ARMC1: variants seen among roughly 807,000 people sequenced by gnomAD.
ARMC1 encodes the protein armadillo repeat containing 1.
A neutral mutation model predicts 31.4 loss-of-function variants in ARMC1; 16 were observed. The ratio of observed to expected loss-of-function variants is 0.51; its 90% CI spans 0.34 to 0.77. The LOEUF (loss-of-function observed/expected upper bound fraction) is 0.77, where lower values mean the gene tolerates loss of function less well. ARMC1 is among the 30% of genes least tolerant of loss of function. The pLI is 0.01. For missense variants in ARMC1, 259 were observed against 347.5 expected (o/e 0.75, Z 2.02); for synonymous variants, 114 against 118.9 (o/e 0.96, Z 0.27).
intron 4 of ARMC1, among the ~76,000 whole-genome samples, chr8:65,608,950 T>A (rs183650152): frequency 3.9e-5 from 6 of 152,210 alleles, no homozygotes; most frequent in African/African-American, 1.4e-4. Flanking sequence ...CATCTCTCTG[T>A]GCTGTCAGAA....
chr8:65,612,505 T>C (rs1808163206), intron 4 of ARMC1, among the ~76,000 whole-genome samples: 1 of 151,956 alleles, frequency 6.6e-6, no homozygotes, highest in Non-Finnish European at 1.5e-5. Flanking sequence ...GTTTTACAAA[T>C]GTGGGGGAAA....
Position 65,620,737 on chromosome 8 carries a change from G to C in ARMC1, c.275+1526C>G, listed in dbSNP as rs192820693. On this transcript the variant is annotated intron_variant, in intron 3 of 6. Coordinates refer to ENST00000276569, the MANE Select transcript of ARMC1 (RefSeq NM_018120.6). ...GGTTAATCACTGCTTCTATCCCTCTGACTAATCACTTCTCTAGCATCCTTT... is the reference window on the plus strand; with the variant it reads ...GGTTAATCACTGCTTCTATCCCTCTCACTAATCACTTCTCTAGCATCCTTT... Among the ~76,000 whole-genome samples, 223 of 149,262 alleles carry C rather than the reference G, an allele frequency of 1.5e-3. 1 individual carries two copies. The highest frequency in any genetic ancestry group is 2.3e-3 in the Admixed American group (34 of 14,810).
rs960219321 is a variant in ARMC1 at position 65,634,036 on chromosome 8, T to A, written c.-74A>T. 6.6e-6 allele frequency: 1 copy of A among 152,326 alleles called. No homozygotes were observed. The highest frequency in any genetic ancestry group is 1.5e-5 in the Non-Finnish European group (1 of 68,146). 9.4% of individuals were successfully genotyped at this position (152,326 alleles called of 1,614,324 possible). A position where few individuals can be genotyped will look rare whatever the true frequency, so the allele number is the denominator to read the frequency against. On this transcript the variant is annotated 5_prime_UTR_variant, in exon 1 of 7. It removes an upstream start codon present in the reference 5' UTR. Coordinates refer to ENST00000276569, the MANE Select transcript of ARMC1 (RefSeq NM_018120.6). ...TAGGAGTCCAGAGCCTGCCACACCA[T>A]CAGGGCCACACCTACGGATGAGGTA...
At position 65,604,122 on chromosome 8, in the gene ARMC1, A is replaced by G; in HGVS notation, c.*272T>C. 1 of 313,714 alleles carries G rather than the reference A, an allele frequency of 3.2e-6. No individual in the cohort carries two copies. The highest frequency in any genetic ancestry group is 5.9e-6 in the Non-Finnish European group (1 of 168,320). The allele number at this position is 313,714 out of a possible 1,614,324, so 19.4% of individuals were successfully genotyped here. On this transcript the variant is annotated 3_prime_UTR_variant, in exon 7 of 7. Transcript: ENST00000276569. ...CTGCACATACACATGTGGTTTTAAC[A>G]GTGGACCCATGGTTTTTAAATATGA...
intron 3 of ARMC1, among the ~76,000 whole-genome samples, chr8:65,620,799 T>TAAAAAA (rs112946805): frequency 1.5e-4 from 21 of 139,164 alleles, no homozygotes; most frequent in East Asian, 8.0e-4. Flanking sequence ...TAGTTCCATT[T>TAAAAAA]AAAAAAAAAC....
In ARMC1 at chr8:65,604,144, A is replaced by G. The variant is rs1210761686; in HGVS notation, c.*250T>C. 3 of 361,692 alleles carry G rather than the reference A, an allele frequency of 8.3e-6. No individual in the cohort carries two copies. The highest frequency in any genetic ancestry group is 4.3e-5 in the Admixed American group (1 of 23,398). The allele number at this position is 361,692 out of a possible 1,614,324, so 22.4% of individuals were successfully genotyped here. A position where few individuals can be genotyped will look rare whatever the true frequency, so the allele number is the denominator to read the frequency against. ...AACAGTGGACCCATGGTTTTTAAAT[A>G]TGAGGCAATTAAATGAAAGAAAACA... is the stretch of plus-strand genomic sequence containing the variant. On this transcript the variant is annotated 3_prime_UTR_variant, in exon 7 of 7. Transcript: ENST00000276569.
chr8:65,604,409 T>A lies in ARMC1; in HGVS notation c.834A>T (p.Arg278Ser). Residue 278 changes from arginine to serine, a missense_variant, in exon 7 of 7, where the codon AGA (arginine) becomes AGT (serine). Transcript: ENST00000276569. ...AAAAGTGAAGTCACCAATAAAATGA[T>A]CTGGATAAAAAGTTTGCAGCTGTGC... is the stretch of plus-strand genomic sequence containing the variant. Reference protein sequence around the residue: ...WLSTAANFLSRSFYW With the variant: ...WLSTAANFLSSSFYW 1 of 1,613,810 alleles carries A rather than the reference T, an allele frequency of 6.2e-7. No homozygotes were observed. The highest frequency in any genetic ancestry group is 2.2e-5 in the East Asian group (1 of 44,874).
rs181808244 is a variant in ARMC1, at chr8:65,603,217, A to C, written c.*1177T>G. On this transcript the variant is annotated 3_prime_UTR_variant, in exon 7 of 7. Coordinates refer to ENST00000276569, the MANE Select transcript of ARMC1 (RefSeq NM_018120.6). ...TGTAATTAGCACTTATCTACCAAAAAAACATATGTGTATGTATTTATTTAT... is the reference window on the plus strand; with the variant it reads ...TGTAATTAGCACTTATCTACCAAAACAACATATGTGTATGTATTTATTTAT... The C allele has an allele frequency of 3.9e-5, 6 of 152,342 alleles. No individual in the cohort carries two copies. Among genetic ancestry groups the C allele is most frequent in the Admixed American group, 3.9e-4 (6 of 15,290 alleles). 9.4% of individuals were successfully genotyped at this position (152,342 alleles called of 1,614,324 possible).
At chr8:65,624,281 C>A (rs1052199967) in intron 2 of ARMC1, among the ~76,000 whole-genome samples, 1 of 151,516 alleles carries the variant, frequency 6.6e-6, no homozygotes, top group African/African-American at 2.4e-5. Flanking sequence ...GGCAGATCAC[C>A]TGAACTCAGG....
In ARMC1 at chr8:65,625,385, G is replaced by T. The variant is rs143154833; in HGVS notation, c.183+1831C>A. Among the ~76,000 whole-genome samples the T allele has an allele frequency of 4.6e-3, 702 of 152,204 alleles. 4 individuals are homozygous for T. Among genetic ancestry groups the T allele is most frequent in the African/African-American group, 0.016 (665 of 41,524 alleles). ...GCCTACAACAGGCCTGAATCATATC[G>T]ATTCAGTATTACCAAACTAATCAGC... On this transcript the variant is annotated intron_variant, in intron 2 of 6. Coordinates refer to ENST00000276569, the MANE Select transcript of ARMC1 (RefSeq NM_018120.6).
At position 65,613,239 on chromosome 8, in the gene ARMC1, C is replaced by A. The variant is rs762965126; in HGVS notation, c.465+5G>T. ...GATTTCTCTTTCCCATCTAACAGACCTTACCGTATCATCAAGGCCATCTAT... is the reference window on the plus strand; with the variant it reads ...GATTTCTCTTTCCCATCTAACAGACATTACCGTATCATCAAGGCCATCTAT... On this transcript the variant is annotated splice_donor_5th_base_variant and intron_variant, in intron 4 of 6. Transcript: ENST00000276569. 2 of 1,590,682 alleles carry A rather than the reference C, an allele frequency of 1.3e-6. No individual in the cohort carries two copies. Among genetic ancestry groups the A allele is most frequent in the East Asian group, 2.3e-5 (1 of 44,186 alleles).
At position 65,612,355 on chromosome 8, in the gene ARMC1, C is replaced by T. The variant is rs1473254419; in HGVS notation, c.465+889G>A. ...TCTATAGTCCCAGCTACTCAGGAGG[C>T]TGAGGCAGAAAGATTACTTGAGCCC... is the stretch of plus-strand genomic sequence containing the variant. On this transcript the variant is annotated intron_variant, in intron 4 of 6. Coordinates refer to ENST00000276569, the MANE Select transcript of ARMC1 (RefSeq NM_018120.6). Among the ~76,000 whole-genome samples the T allele has an allele frequency of 2.0e-5, 3 of 151,728 alleles. No homozygotes were observed. In the East Asian group the frequency reaches 5.9e-4, roughly 30 times the overall value.
intron 3 of ARMC1, among the ~76,000 whole-genome samples, chr8:65,620,093 G>A (rs571640064): frequency 3.4e-4 from 51 of 150,582 alleles, no homozygotes; most frequent in South Asian, 4.2e-4. Flanking sequence ...AGCTAACATC[G>A]TACCAGCCAA....
In ARMC1 at chr8:65,622,319, T is replaced by C. The variant is rs760043254; in HGVS notation, c.219A>G (p.Arg73=). 1.8e-5 allele frequency: 29 copies of C among 1,614,170 alleles called. No individual in the cohort carries two copies. Among genetic ancestry groups the C allele is most frequent in the Middle Eastern group, 3.3e-4 (2 of 6,062 alleles). Residue 73 remains arginine, a synonymous_variant, in exon 3 of 7, where the codon AGA becomes AGG. Transcript: ENST00000276569. ...TACCCAGTTCTCCTTTCATCTTTTC[T>C]CTGTTTGCACGGCATTCTGCCAAGT... ...LRYLAECRAN[R]EKMKGELGMM... is the part of the protein sequence containing the mutation.
At chr8:65,618,758 T>A (rs1808330560) in intron 3 of ARMC1, among the ~76,000 whole-genome samples, 1 of 151,790 alleles carries the variant, frequency 6.6e-6, no homozygotes, top group African/African-American at 2.4e-5. Context: ...AAAAGGTAAC[T>A]GTCGGGCCGG....
chr8:65,620,980 C>A (rs1808382356), intron 3 of ARMC1, among the ~76,000 whole-genome samples: 1 of 151,990 alleles, frequency 6.6e-6, no homozygotes, highest in South Asian at 2.1e-4. Context: ...TGTCTGTAGT[C>A]CCAGCTACTT....
intron 3 of ARMC1, among the ~76,000 whole-genome samples, chr8:65,616,734 T>C (rs186646118): frequency 0.028 from 4,107 of 147,728 alleles, 129 homozygotes; most frequent in African/African-American, 0.08. Context: ...GGGGAGCGCC[T>C]CTGCCCCGCC....
chr8:65,620,798 T>TAAAAAAAAAAA (rs776508929), intron 3 of ARMC1, among the ~76,000 whole-genome samples: 5 of 46,478 alleles, frequency 1.1e-4, no homozygotes, highest in African/African-American at 1.4e-4. Flanking sequence ...TTAGTTCCAT[T>TAAAAAAAAAAA]TAAAAAAAAA....
Position 65,613,440 on chromosome 8 carries a change from A to C in ARMC1, c.276-7T>G. On this transcript the variant is annotated splice_polypyrimidine_tract_variant and splice_region_variant and intron_variant, in intron 3 of 6. Coordinates refer to ENST00000276569, the MANE Select transcript of ARMC1 (RefSeq NM_018120.6). ...TTCTCCTGGAGTTGTAGTTCTTGAA[A>C]AGAAACACATATATAATTAGTCTTG... 1.3e-6 allele frequency: 2 copies of C among 1,564,780 alleles called. No homozygotes were observed. Among genetic ancestry groups the C allele is most frequent in the Non-Finnish European group, 1.7e-6 (2 of 1,157,820 alleles).
Sources: allele counts gnomAD v4.1 joint callset (sites outside exome capture counted in the v4.1 genomes callset), GRCh38; gene constraint gnomAD v4.1.1; transcripts MANE v1.5; gene names NCBI Gene and HGNC (gene_info 2026-07-23, HGNC 2026-07-21).